Variants in PTPRK observed in about 807,000 individuals in gnomAD.
PTPRK encodes the protein receptor-type tyrosine-protein phosphatase kappa.
PTPRK carries 75 observed loss-of-function variants against 178.0 expected under a neutral mutation model. The ratio of observed to expected loss-of-function variants is 0.42; its 90% CI spans 0.35 to 0.51. The LOEUF (loss-of-function observed/expected upper bound fraction) is 0.51, where lower values mean the gene tolerates loss of function less well. Among genes scored for constraint, PTPRK ranks in the 20% least tolerant of loss-of-function variants. The pLI is 0.02. For missense variants in PTPRK, 1,441 were observed against 1,797.8 expected (o/e 0.80, Z 3.59); for synonymous variants, 637 against 620.6 (o/e 1.03, Z -0.39).
At chr6:128,448,548 A>G (rs1260666583) in intron 1 of PTPRK, among the ~76,000 whole-genome samples, 2 of 152,234 alleles carry the variant, frequency 1.3e-5, no homozygotes, top group Non-Finnish European at 2.9e-5. Flanking sequence ...AAAGCATGCC[A>G]CATTAGGCAC....
At chr6:128,506,682 A>AAAAAG (rs1554284970) in intron 1 of PTPRK, among the ~76,000 whole-genome samples, 1 of 146,208 alleles carries the variant, frequency 6.8e-6, no homozygotes, top group Non-Finnish European at 1.5e-5. Flanking sequence ...AAAAAAAAAA[A>AAAAAG]TTATTATAAG....
At chr6:127,993,708 T>A (rs929135867) in intron 18 of PTPRK, among the ~76,000 whole-genome samples, 2 of 151,434 alleles carry the variant, frequency 1.3e-5, no homozygotes. Flanking sequence ...TATGGAAAAA[T>A]TTTTCCAAGC....
chr6:127,979,922 A>G (rs553213183), intron 25 of PTPRK, among the ~76,000 whole-genome samples: 4 of 152,336 alleles, frequency 2.6e-5, no homozygotes, highest in Non-Finnish European at 5.9e-5. Flanking sequence ...TCATAATTTA[A>G]AACTTTCTTT....
chr6:128,171,598 T>C (rs764408152), intron 7 of PTPRK, among the ~76,000 whole-genome samples: 1 of 151,996 alleles, frequency 6.6e-6, no homozygotes, highest in Non-Finnish European at 1.5e-5. Flanking sequence ...ACTAGTCCCA[T>C]GAAAATTAAA....
At chr6:127,989,685 C>G (rs1776378586) in intron 21 of PTPRK, among the ~76,000 whole-genome samples, 1 of 152,044 alleles carries the variant, frequency 6.6e-6, no homozygotes, top group Non-Finnish European at 1.5e-5. Context: ...TCAACATACT[C>G]TAACAATCAA....
At chr6:128,209,870 T>G (rs1807764819) in intron 6 of PTPRK, among the ~76,000 whole-genome samples, 1 of 152,078 alleles carries the variant, frequency 6.6e-6, no homozygotes, top group Non-Finnish European at 1.5e-5. Context: ...GAGAGTCTTA[T>G]GAAGGACTGA....
chr6:128,362,389 C>A (rs1002178534), intron 2 of PTPRK, among the ~76,000 whole-genome samples: 1 of 151,858 alleles, frequency 6.6e-6, no homozygotes, highest in Non-Finnish European at 1.5e-5. Flanking sequence ...CTGGGGATTG[C>A]AATTCAACAT....
At chr6:128,178,453 T>C (rs550761129) in intron 7 of PTPRK, among the ~76,000 whole-genome samples, 18 of 151,514 alleles carry the variant, frequency 1.2e-4, no homozygotes, top group African/African-American at 4.1e-4. Context: ...TATTATACCA[T>C]TTTTTTCATG....
chr6:128,503,842 TTG>T (rs57723685), intron 1 of PTPRK, among the ~76,000 whole-genome samples: 11,671 of 139,670 alleles, frequency 0.084, 513 homozygotes, highest in Non-Finnish European at 0.11. Context: ...CTGGTTATTA[TTG>T]TGTGTGTGTG....
At chr6:128,393,373 G>A (rs556588806) in intron 2 of PTPRK, among the ~76,000 whole-genome samples, 3 of 152,248 alleles carry the variant, frequency 2.0e-5, no homozygotes, top group African/African-American at 4.8e-5. Context: ...ACAGGCGTGA[G>A]CCACCACGCC....
intron 7 of PTPRK, among the ~76,000 whole-genome samples, chr6:128,097,498 C>T (rs1242397269): frequency 6.6e-6 from 1 of 152,116 alleles, no homozygotes; most frequent in Non-Finnish European, 1.5e-5. Context: ...GAAAAAAAGG[C>T]AAAGATAATT....
intron 7 of PTPRK, among the ~76,000 whole-genome samples, chr6:128,117,527 T>C (rs1184498806): frequency 6.6e-6 from 1 of 152,246 alleles, no homozygotes; most frequent in Admixed American, 6.5e-5. Context: ...TAACATTTTA[T>C]AATCTGCTGT....
At chr6:128,023,194 A>G (rs781660338) in intron 13 of PTPRK, among the ~76,000 whole-genome samples, 1 of 152,224 alleles carries the variant, frequency 6.6e-6, no homozygotes, top group Non-Finnish European at 1.5e-5. Flanking sequence ...TAAATTGTTA[A>G]TAACATCACA....
At chr6:128,371,397 G>A (rs1358852356) in intron 2 of PTPRK, among the ~76,000 whole-genome samples, 2 of 152,110 alleles carry the variant, frequency 1.3e-5, no homozygotes, top group East Asian at 3.8e-4. Flanking sequence ...CTCATAAAAA[G>A]GTTTAATGCA....
chr6:128,167,331 A>G (rs1248896213), intron 7 of PTPRK, among the ~76,000 whole-genome samples: 1 of 151,996 alleles, frequency 6.6e-6, no homozygotes, highest in Non-Finnish European at 1.5e-5. Context: ...ATAATCTCAG[A>G]AGTTAAAAAA....
intron 11 of PTPRK, among the ~76,000 whole-genome samples, chr6:128,078,379 A>G (rs1472982898): frequency 6.6e-6 from 1 of 151,998 alleles, no homozygotes; most frequent in African/African-American, 2.4e-5. Flanking sequence ...TTTGAAATGA[A>G]CCACTTTATT....
At chr6:128,231,354 A>G (rs1046765815) in intron 5 of PTPRK, among the ~76,000 whole-genome samples, 1 of 152,240 alleles carries the variant, frequency 6.6e-6, no homozygotes, top group Admixed American at 6.5e-5. Flanking sequence ...ACCAGTGTAT[A>G]CATGGCAAAA....
chr6:128,074,694 A>G (rs1157814932), intron 11 of PTPRK, among the ~76,000 whole-genome samples: 3 of 152,078 alleles, frequency 2.0e-5, no homozygotes, highest in Non-Finnish European at 4.4e-5. Context: ...TAATTTCGTC[A>G]AAGAACCACA....
intron 2 of PTPRK, among the ~76,000 whole-genome samples, chr6:128,352,071 A>G (rs1408281481): frequency 6.6e-5 from 10 of 151,928 alleles, no homozygotes; most frequent in Non-Finnish European, 7.4e-5. Flanking sequence ...CCTGGCCAAC[A>G]TGGTGAAACC....
Sources: allele counts gnomAD v4.1 joint callset (sites outside exome capture counted in the v4.1 genomes callset), GRCh38; gene constraint gnomAD v4.1.1; transcripts MANE v1.5; gene names NCBI Gene and HGNC (gene_info 2026-07-23, HGNC 2026-07-21).